TPPP: variants seen among roughly 807,000 people sequenced by gnomAD.
TPPP encodes the protein tubulin polymerization promoting protein, also known as tubulin polymerization-promoting protein.
A neutral mutation model predicts 15.5 loss-of-function variants in TPPP; 6 were observed. The observed-to-expected ratio is 0.39, with a 90% confidence interval of 0.21 to 0.77. The LOEUF is 0.77. Among genes scored for constraint, TPPP ranks in the 30% least tolerant of loss-of-function variants. TPPP has a pLI of 0.42. For missense variants in TPPP, 269 were observed against 307.2 expected, an observed-to-expected ratio of 0.88 and a Z score of 0.93; for synonymous variants, 146 against 133.9, an observed-to-expected ratio of 1.09 and a Z score of -0.63.
chr5:665,072 C>A lies in TPPP; in HGVS notation c.*30G>T. 2 of 1,596,688 alleles carry A rather than the reference C, an allele frequency of 1.3e-6. No individual in the cohort carries two copies. The highest frequency in any genetic ancestry group is 1.7e-6 in the Non-Finnish European group (2 of 1,175,544). The stretch of plus-strand genomic sequence containing the variant: ...TGACAGAGTCCCTGCTCTGGGGACA[C>A]CGGCAGTGCCGCGAGGCATGGAGCG... On this transcript the variant is annotated 3_prime_UTR_variant, in exon 4 of 4. Coordinates refer to ENST00000360578, the MANE Select transcript of TPPP (RefSeq NM_007030.3).
chr5:684,787 G>A (rs1229386574), intron 1 of TPPP, among the ~76,000 whole-genome samples: 1 of 152,172 alleles, frequency 6.6e-6, no homozygotes, highest in Non-Finnish European at 1.5e-5. Flanking sequence ...CTGCTCCGCG[G>A]GACTCTCCCT....
rs1281785191 is a variant in TPPP at position 662,819 on chromosome 5, T to A, written c.*2283A>T. On this transcript the variant is annotated 3_prime_UTR_variant, in exon 4 of 4. Coordinates refer to ENST00000360578, the MANE Select transcript of TPPP (RefSeq NM_007030.3). Reference sequence around the variant, plus strand: ...TCCTCGGCCTTTTCAACACAAGGGCTTTGGAGTTGTGATGGGCTGTTATCG... The same window carrying A: ...TCCTCGGCCTTTTCAACACAAGGGCATTGGAGTTGTGATGGGCTGTTATCG... The A allele has an allele frequency of 2.0e-5, 3 of 152,472 alleles. No homozygotes were observed. Among genetic ancestry groups the A allele is most frequent in the Admixed American group, 1.3e-4 (2 of 15,288 alleles). The allele number at this position is 152,472 out of a possible 1,614,324, so 9.4% of individuals were successfully genotyped here. A position where few individuals can be genotyped will look rare whatever the true frequency, so the allele number is the denominator to read the frequency against.
At chr5:673,206 C>T (rs1740283597) in intron 2 of TPPP, among the ~76,000 whole-genome samples, 1 of 152,194 alleles carries the variant, frequency 6.6e-6, no homozygotes, top group Non-Finnish European at 1.5e-5. Context: ...CCCCGGAAAT[C>T]GAAGGAAAAT....
chr5:669,621 C>T (rs1204001184), intron 2 of TPPP, among the ~76,000 whole-genome samples: 1 of 152,108 alleles, frequency 6.6e-6, no homozygotes, highest in Non-Finnish European at 1.5e-5. Flanking sequence ...TTTCTGACGG[C>T]CTCGGAGCCA....
chr5:666,129 G>GGGGCACAGGCAGTCGACTTA lies in TPPP; in HGVS notation c.312-7_312-6insTAAGTCGACTGCCTGTGCCC, dbSNP rs1554021107. 1.8e-3 allele frequency: 2,923 copies of GGGGCACAGGCAGTCGACTTA among 1,606,800 alleles called. 52 individuals carry two copies. The African/African-American group carries it at 0.035, about 19-fold the overall frequency. On this transcript the variant is annotated splice_polypyrimidine_tract_variant and splice_region_variant and intron_variant, in intron 2 of 3. Transcript: ENST00000360578. ...TGGTCCGGCAAGACTTCCCTCTACA[G>GGGGCACAGGCAGTCGACTTA]GGGCACAGGCGACTTAGGGCTGGGC...
chr5:684,195 C>T (rs1196960907), intron 1 of TPPP, among the ~76,000 whole-genome samples: 1 of 152,252 alleles, frequency 6.6e-6, no homozygotes, highest in Admixed American at 6.5e-5. Context: ...CTCTGCAACG[C>T]CCAGTGCTCC....
rs768821190 is a variant in TPPP at position 666,109 on chromosome 5, C to T, written c.326G>A (p.Arg109Gln). ...CTGGAACTGCTCAAAGGTGATGGTC[C>T]GGCAAGACTTCCCTCTACAGGGGCA... is the stretch of plus-strand genomic sequence containing the variant. ...VFSKIKGKSC[R>Q]TITFEQFQEA... The change falls in exon 3 of 4, where the codon CGG (arginine) becomes CAG (glutamine). Residue 109 changes from arginine to glutamine, a missense_variant. By Grantham distance (43) the Arg-to-Gln change is conservative. Coordinates refer to ENST00000360578, the MANE Select transcript of TPPP (RefSeq NM_007030.3). The T allele has an allele frequency of 8.9e-6, 14 of 1,572,770 alleles. No homozygotes were observed. Among genetic ancestry groups the T allele is most frequent in the East Asian group, 4.6e-5 (2 of 43,790 alleles).
intron 2 of TPPP, among the ~76,000 whole-genome samples, chr5:674,807 C>T (rs1740346608): frequency 6.6e-6 from 1 of 151,748 alleles, no homozygotes. Flanking sequence ...CTGGTCTGTC[C>T]TCCAGGCAGC....
intron 2 of TPPP, among the ~76,000 whole-genome samples, chr5:673,264 T>C (rs1487714068): frequency 1.3e-5 from 2 of 152,170 alleles, no homozygotes; most frequent in Non-Finnish European, 2.9e-5. Flanking sequence ...TCTCTCTTCC[T>C]GAGACAAGGG....
chr5:693,486 C>G (rs1234344292), upstream of TPPP: 4 of 116,304 alleles, frequency 3.4e-5, no homozygotes, highest in Admixed American at 3.5e-4. Flanking sequence ...TTGGCAGCCC[C>G]GCCCCCGCCG....
chr5:677,625 G>A, intron 2 of TPPP, 125 bp downstream of exon 2: 1 of 863,766 alleles, frequency 1.2e-6, no homozygotes, highest in Non-Finnish European at 1.7e-6. Flanking sequence ...TCTGAGAAGG[G>A]CGGGGTCTTG....
intron 2 of TPPP, among the ~76,000 whole-genome samples, chr5:675,486 GTACATTGTGGCCGGGGC>G (rs1561087289): frequency 1.6e-4 from 22 of 141,490 alleles, no homozygotes; most frequent in Admixed American, 2.8e-4. Flanking sequence ...GTGGCCAGGG[GTACATTGTGGCCGGGGC>G]TGCAGTGTGA....
At position 666,230 on chromosome 5, in the gene TPPP, G is replaced by T. The variant is rs1739907417; in HGVS notation, c.312-107C>A. On this transcript the variant is annotated intron_variant, in intron 2 of 3. Coordinates refer to ENST00000360578, the MANE Select transcript of TPPP (RefSeq NM_007030.3). Reference sequence around the variant, plus strand: ...GACAGCCATGGCCCAGCAGCCCACAGGCTTCACCCACAGGCGGCCGCCCTG... The same window carrying T: ...GACAGCCATGGCCCAGCAGCCCACATGCTTCACCCACAGGCGGCCGCCCTG... The T allele has an allele frequency of 5.2e-6, 7 of 1,359,120 alleles. No homozygotes were observed. The South Asian group carries it at 5.5e-5, about 11-fold the overall frequency. The allele number at this position is 1,359,120 out of a possible 1,614,324, so 84.2% of individuals were successfully genotyped here. A position where few individuals can be genotyped will look rare whatever the true frequency, so the allele number is the denominator to read the frequency against.
intron 2 of TPPP, among the ~76,000 whole-genome samples, chr5:669,658 G>A (rs528863485): frequency 6.6e-6 from 1 of 152,282 alleles, no homozygotes; most frequent in South Asian, 2.1e-4. Context: ...GTCACTCGGC[G>A]GGAGGGGGAT....
chr5:664,963 T>A lies in TPPP; in HGVS notation c.*139A>T. On this transcript the variant is annotated 3_prime_UTR_variant, in exon 4 of 4. Transcript: ENST00000360578. Reference sequence around the variant, plus strand: ...TAGGAGGAGGGGCAGGAGGGAGGCCTGGGCCTGGCCGCCCCCCAGCCCCCT... The same window carrying A: ...TAGGAGGAGGGGCAGGAGGGAGGCCAGGGCCTGGCCGCCCCCCAGCCCCCT... 8 of 978,308 alleles carry A rather than the reference T, an allele frequency of 8.2e-6. No homozygotes were observed. Among genetic ancestry groups the A allele is most frequent in the Non-Finnish European group, 1.0e-5 (7 of 669,340 alleles). 60.6% of individuals were successfully genotyped at this position (978,308 alleles called of 1,614,324 possible).
At chr5:698,730 A>G in the TPPP span, among the ~76,000 whole-genome samples, 5 of 151,984 alleles carry the variant, frequency 3.3e-5, 1 homozygote, top group South Asian at 2.1e-4. Context: ...TATGGGAGCT[A>G]CAATTCAAGA....
chr5:699,444 C>T, the TPPP span, among the ~76,000 whole-genome samples: 1 of 152,026 alleles, frequency 6.6e-6, no homozygotes, highest in South Asian at 2.1e-4. Context: ...GGACAAATAC[C>T]TCTCACCATA....
At chr5:698,870 AC>A in the TPPP span, among the ~76,000 whole-genome samples, 1 of 152,020 alleles carries the variant, frequency 6.6e-6, no homozygotes, top group African/African-American at 2.4e-5. Context: ...ATTCTTATAC[AC>A]CAATAACAAT....
At chr5:697,938 A>G (rs1160413912), upstream of TPPP, among the ~76,000 whole-genome samples, 6 of 144,216 alleles carry the variant, frequency 4.2e-5, no homozygotes, top group African/African-American at 1.5e-4. Context: ...ATCCTCAACG[A>G]AATACCAGAA....
Sources: allele counts gnomAD v4.1 joint callset (sites outside exome capture counted in the v4.1 genomes callset), GRCh38; gene constraint gnomAD v4.1.1; transcripts MANE v1.5; gene names NCBI Gene and HGNC (gene_info 2026-07-23, HGNC 2026-07-21).